HECW1: variants seen among roughly 807,000 people sequenced by gnomAD.
HECW1 encodes the protein E3 ubiquitin-protein ligase HECW1.
In HECW1, 61 loss-of-function variants were observed where a neutral mutation model predicts 182.3. The ratio of observed to expected loss-of-function variants is 0.33; its 90% CI spans 0.27 to 0.41. The LOEUF is 0.41. Ranked by LOEUF, HECW1 falls within the 10% of genes least tolerant of loss-of-function variation. HECW1 has a pLI of 1.00. For synonymous variants in HECW1, 859 were observed against 832.6 expected, an observed-to-expected ratio of 1.03 and a Z score of -0.55; for missense variants, 1,739 against 2,108.9, an observed-to-expected ratio of 0.82 and a Z score of 3.44.
chr7:43,207,544 T>C (rs1002422981), intron 2 of HECW1, among the ~76,000 whole-genome samples: 4 of 152,166 alleles, frequency 2.6e-5, no homozygotes, highest in South Asian at 2.1e-4. Context: ...ATTGTAGTCA[T>C]CTTACCATGC....
chr7:43,495,117 A>AT (rs1054355805), intron 19 of HECW1, among the ~76,000 whole-genome samples: 2 of 151,836 alleles, frequency 1.3e-5, no homozygotes, highest in African/African-American at 2.4e-5. Context: ...TTTGTTTTTA[A>AT]TTTTTTTTAT....
chr7:43,459,226 T>C (rs1246952540), intron 13 of HECW1, among the ~76,000 whole-genome samples: 2 of 152,218 alleles, frequency 1.3e-5, no homozygotes, highest in African/African-American at 4.8e-5. Context: ...CCTCTGTGCC[T>C]GTTCTTACCT....
At chr7:43,116,686 G>A (rs1341615582) in intron 2 of HECW1, among the ~76,000 whole-genome samples, 2 of 152,176 alleles carry the variant, frequency 1.3e-5, no homozygotes, top group Admixed American at 6.5e-5. Context: ...AGGAAACCAG[G>A]AAGTTGCAAT....
rs890734181 is a variant in HECW1, at chr7:43,124,069, T to C, written c.-32+9678T>C. Among the ~76,000 whole-genome samples, 30 of 152,226 alleles carry C rather than the reference T, an allele frequency of 2.0e-4. 2 individuals are homozygous for C. Among genetic ancestry groups the C allele is most frequent in the Admixed American group, 9.8e-4 (15 of 15,282 alleles). On this transcript the variant is annotated intron_variant, in intron 2 of 29. Coordinates refer to ENST00000395891, the MANE Select transcript of HECW1 (RefSeq NM_015052.5). The stretch of plus-strand genomic sequence containing the variant: ...TGAAGGGAAGCATCAAGCTCTAAGA[T>C]AGAAAACCTTCATTCTGTGCTCCTG...
At chr7:43,412,535 G>A (rs986179010) in intron 8 of HECW1, among the ~76,000 whole-genome samples, 2 of 149,810 alleles carry the variant, frequency 1.3e-5, no homozygotes, top group African/African-American at 4.9e-5. Context: ...CATGTGCCAT[G>A]CTGGTGCGCT....
intron 5 of HECW1, among the ~76,000 whole-genome samples, chr7:43,349,183 C>T (rs34488898): frequency 0.18 from 26,813 of 151,908 alleles, 3,100 homozygotes; most frequent in Non-Finnish European, 0.26. Flanking sequence ...TACAGGCATG[C>T]GCCACCACGC....
At chr7:43,193,622 T>C (rs1022213512) in intron 2 of HECW1, among the ~76,000 whole-genome samples, 2 of 152,108 alleles carry the variant, frequency 1.3e-5, no homozygotes, top group African/African-American at 4.8e-5. Context: ...CCTCAAGTGA[T>C]CCACCCGACT....
At position 43,562,121 on chromosome 7, in the gene HECW1, C is replaced by T; in HGVS notation, c.*195C>T. 3 of 557,712 alleles carry T rather than the reference C, an allele frequency of 5.4e-6. No individual in the cohort carries two copies. The South Asian group carries it at 6.4e-5, about 12-fold the overall frequency. The allele number at this position is 557,712 out of a possible 1,614,324, so 34.5% of individuals were successfully genotyped here. Reference sequence around the variant, plus strand: ...TCTAAGATCTAACCTTCAGGCTTCTCTCCTCTGTTTTCAATGAACTGCTAG... The same window carrying T: ...TCTAAGATCTAACCTTCAGGCTTCTTTCCTCTGTTTTCAATGAACTGCTAG... On this transcript the variant is annotated 3_prime_UTR_variant, in exon 30 of 30. Transcript: ENST00000395891.
At chr7:43,353,392 C>T (rs528685605) in intron 5 of HECW1, among the ~76,000 whole-genome samples, 1 of 152,158 alleles carries the variant, frequency 6.6e-6, no homozygotes, top group African/African-American at 2.4e-5. Flanking sequence ...GGAAAACAAC[C>T]TTTGCCAACA....
chr7:43,373,847 A>C (rs1244983518), intron 6 of HECW1, among the ~76,000 whole-genome samples: 2 of 152,138 alleles, frequency 1.3e-5, no homozygotes, highest in Non-Finnish European at 2.9e-5. Context: ...TGTCTCTAGG[A>C]ATTTGACCAC....
At chr7:43,394,387 G>A (rs1404870798) in intron 6 of HECW1, among the ~76,000 whole-genome samples, 8 of 152,152 alleles carry the variant, frequency 5.3e-5, no homozygotes, top group Admixed American at 3.9e-4. Flanking sequence ...AAAATGCCAG[G>A]GATTTATTCT....
chr7:43,487,986 GAAAA>G (rs1461893860), intron 17 of HECW1, among the ~76,000 whole-genome samples: 2 of 146,666 alleles, frequency 1.4e-5, no homozygotes, highest in African/African-American at 5.0e-5. Flanking sequence ...GAGAGAGAAA[GAAAA>G]AAGAAAGAAA....
At chr7:43,437,922 C>A in intron 8 of HECW1, 81 bp from the exon 9 acceptor site, 3 of 1,398,110 alleles carry the variant, frequency 2.1e-6, no homozygotes, top group Non-Finnish European at 2.0e-6. Flanking sequence ...TTTACAGTGA[C>A]AGCATCAAGG....
chr7:43,135,338 C>T (rs1787408264), intron 2 of HECW1, among the ~76,000 whole-genome samples: 1 of 152,118 alleles, frequency 6.6e-6, no homozygotes, highest in Non-Finnish European at 1.5e-5. Context: ...TCTTACTCTT[C>T]CTCTGTTAGA....
At chr7:43,308,045 T>TATATAATATATTATATATTATATTATATA (rs1807869553) in intron 3 of HECW1, among the ~76,000 whole-genome samples, 1 of 112,108 alleles carries the variant, frequency 8.9e-6, no homozygotes, top group African/African-American at 3.6e-5. Flanking sequence ...TATATTGTAT[T>TATATAATATATTATATATTATATTATATA]ATATATAATA....
At chr7:43,187,098 C>G (rs994081850) in intron 2 of HECW1, among the ~76,000 whole-genome samples, 3 of 152,228 alleles carry the variant, frequency 2.0e-5, no homozygotes, top group Admixed American at 1.3e-4. Flanking sequence ...CTTGACTGGT[C>G]TGCAGGGTCT....
chr7:43,561,517 C>T (rs2082207661), intron 29 of HECW1, among the ~76,000 whole-genome samples: 1 of 152,206 alleles, frequency 6.6e-6, no homozygotes, highest in Non-Finnish European at 1.5e-5. Context: ...AAATTTGTAA[C>T]TCATTTGCAA....
chr7:43,248,496 C>G (rs750016291), intron 3 of HECW1: 3 of 152,308 alleles, frequency 2.0e-5, no homozygotes, highest in Non-Finnish European at 4.4e-5. Flanking sequence ...TTCCACTAAT[C>G]TCCGGCTTGC....
At chr7:43,553,237 C>T (rs1392375992) in intron 28 of HECW1, among the ~76,000 whole-genome samples, 1 of 152,218 alleles carries the variant, frequency 6.6e-6, no homozygotes, top group Non-Finnish European at 1.5e-5. Flanking sequence ...TTGTTAGCCT[C>T]ACAACTCTTC....
Sources: gnomAD v4.1 joint callset for allele counts (sites outside exome capture counted in the v4.1 genomes callset) on GRCh38, gnomAD v4.1.1 for gene constraint, MANE v1.5 for transcripts, NCBI Gene and HGNC (gene_info 2026-07-23, HGNC 2026-07-21) for gene names.